The following TFB2M variants were observed in gnomAD, a reference collection of about 807,000 sequenced individuals.
TFB2M encodes the protein transcription factor B2, mitochondrial, also known as dimethyladenosine transferase 2, mitochondrial.
TFB2M carries 44 observed loss-of-function variants against 41.3 expected under a neutral mutation model. That is an observed-to-expected ratio of 1.07 (90% confidence interval 0.84 to 1.37). TFB2M has a LOEUF of 1.37. TFB2M is among the 40% of genes most tolerant of loss of function. TFB2M has a pLI of 0.00. For synonymous variants in TFB2M, 188 were observed against 176.8 expected (o/e 1.06, Z -0.50); for missense variants, 496 against 490.2 (o/e 1.01, Z -0.11).
chr1:246,550,622 G>A (rs1295824000), intron 5 of TFB2M, among the ~76,000 whole-genome samples: 3 of 152,324 alleles, frequency 2.0e-5, no homozygotes, highest in Middle Eastern at 3.4e-3. Flanking sequence ...AGTGGCTCAC[G>A]CCTGTAATCC....
At chr1:246,558,385 G>T (rs1659378452) in intron 2 of TFB2M, among the ~76,000 whole-genome samples, 4 of 152,106 alleles carry the variant, frequency 2.6e-5, no homozygotes, top group Middle Eastern at 3.4e-3. Flanking sequence ...GAGCTCAAGA[G>T]ATCTGCCCAC....
At chr1:246,547,528 C>A (rs1202413252) in intron 6 of TFB2M, among the ~76,000 whole-genome samples, 2 of 152,138 alleles carry the variant, frequency 1.3e-5, no homozygotes, top group East Asian at 3.8e-4. Context: ...ACTCTAAAAT[C>A]ACAACATTGA....
At chr1:246,549,213 G>T (rs538033527) in intron 5 of TFB2M, among the ~76,000 whole-genome samples, 3 of 151,974 alleles carry the variant, frequency 2.0e-5, no homozygotes, top group Non-Finnish European at 4.4e-5. Context: ...CAAAAACCTA[G>T]TGTCAATTTT....
intron 7 of TFB2M, among the ~76,000 whole-genome samples, chr1:246,542,527 G>C (rs1658889527): frequency 6.6e-6 from 1 of 151,936 alleles, no homozygotes; most frequent in South Asian, 2.1e-4. Context: ...TAAAAAGTTA[G>C]CTGGGCATAG....
intron 6 of TFB2M, among the ~76,000 whole-genome samples, chr1:246,546,476 G>A (rs1006786290): frequency 2.0e-5 from 3 of 151,810 alleles, no homozygotes; most frequent in African/African-American, 4.8e-5. Context: ...TTAGCCCTGC[G>A]TGGTGGAGCA....
chr1:246,555,045 C>T (rs1412893951), intron 4 of TFB2M, among the ~76,000 whole-genome samples: 3 of 152,140 alleles, frequency 2.0e-5, no homozygotes, highest in African/African-American at 7.2e-5. Context: ...ATGTCTTGAA[C>T]AGACATTTCT....
At chr1:246,564,484 C>T in intron 1 of TFB2M, 50 bp from the exon 2 acceptor site, 3 of 1,520,820 alleles carry the variant, frequency 2.0e-6, no homozygotes, top group Admixed American at 1.7e-5. Flanking sequence ...AACATAATCT[C>T]TTTCAATACC....
At chr1:246,558,830 C>T (rs1659386746) in intron 2 of TFB2M, among the ~76,000 whole-genome samples, 1 of 152,146 alleles carries the variant, frequency 6.6e-6, no homozygotes, top group South Asian at 2.1e-4. Context: ...AGTCTTCTCA[C>T]TGCTCTGATT....
chr1:246,551,595 G>A (rs1490846550), intron 4 of TFB2M, among the ~76,000 whole-genome samples: 1 of 149,112 alleles, frequency 6.7e-6, no homozygotes, highest in Non-Finnish European at 1.5e-5. Context: ...GCGGGGTCAC[G>A]CTTGTAATTC....
chr1:246,549,088 C>A (rs1659098346), intron 5 of TFB2M, among the ~76,000 whole-genome samples: 3 of 152,184 alleles, frequency 2.0e-5, no homozygotes, highest in South Asian at 2.1e-4. Flanking sequence ...ATAATCCCAG[C>A]ACTTTGGGAG....
intron 6 of TFB2M, among the ~76,000 whole-genome samples, chr1:246,545,104 C>G (rs1658978854): frequency 6.6e-6 from 1 of 152,176 alleles, no homozygotes; most frequent in South Asian, 2.1e-4. Context: ...CCGTGCCCGG[C>G]CCACATTTTC....
At chr1:246,554,939 T>C (rs1344969155) in intron 4 of TFB2M, among the ~76,000 whole-genome samples, 3 of 152,160 alleles carry the variant, frequency 2.0e-5, no homozygotes, top group Non-Finnish European at 4.4e-5. Context: ...GGAGAAAATA[T>C]TTGTAAATCA....
rs529936761 is a variant in TFB2M at position 246,563,898 on chromosome 1, C to CAACTTAAACAAATGTGTTT, written c.402+447_402+448insAAACACATTTGTTTAAGTT. Among the ~76,000 whole-genome samples, 200 of 152,294 alleles carry CAACTTAAACAAATGTGTTT rather than the reference C, an allele frequency of 1.3e-3. 1 individual carries two copies. The highest frequency in any genetic ancestry group is 4.6e-3 in the African/African-American group (191 of 41,568). On this transcript the variant is annotated intron_variant, in intron 2 of 7. Coordinates refer to ENST00000366514, the MANE Select transcript of TFB2M (RefSeq NM_022366.3). ...TTGAAATCCAAAACAGTTGTGTTCCCAAGCATTTCAGATAAAATACTTAAT... is the reference window on the plus strand; with the variant it reads ...TTGAAATCCAAAACAGTTGTGTTCCCAACTTAAACAAATGTGTTTAAGCATTTCAGATAAAATACTTAAT...
At chr1:246,545,030 C>T (rs533675684) in intron 6 of TFB2M, among the ~76,000 whole-genome samples, 16 of 149,890 alleles carry the variant, frequency 1.1e-4, no homozygotes, top group East Asian at 4.2e-4. Context: ...TGGTCTCGAT[C>T]TCCTGACCTC....
At chr1:246,556,069 G>C (rs1391330473) in intron 4 of TFB2M, among the ~76,000 whole-genome samples, 2 of 152,152 alleles carry the variant, frequency 1.3e-5, no homozygotes, top group Non-Finnish European at 2.9e-5. Flanking sequence ...GGGATTACAG[G>C]AGTGAGCCAC....
intron 1 of TFB2M, among the ~76,000 whole-genome samples, chr1:246,565,529 C>T (rs1320435068): frequency 2.6e-5 from 4 of 152,124 alleles, no homozygotes; most frequent in East Asian, 1.9e-4. Flanking sequence ...CTGGCCAACA[C>T]GGCGAAATCC....
rs192467370 is a variant in TFB2M, at chr1:246,560,907, T to C, written c.403-3373A>G. 2.6e-5 allele frequency among the ~76,000 whole-genome samples: 4 copies of C among 152,044 alleles called. No individual in the cohort carries two copies. The East Asian group carries it at 7.7e-4, about 29-fold the overall frequency. On this transcript the variant is annotated intron_variant, in intron 2 of 7. Transcript: ENST00000366514. ...GGCGGGCGGATCACGAGGTCAGGAGTTCCAGACCAGTCTGGCCAACATGGT... is the reference window on the plus strand; with the variant it reads ...GGCGGGCGGATCACGAGGTCAGGAGCTCCAGACCAGTCTGGCCAACATGGT...
rs193037977 is a variant in TFB2M at position 246,549,079 on chromosome 1, T to C, written c.796-472A>G. On this transcript the variant is annotated intron_variant, in intron 5 of 7. Transcript: ENST00000366514. Reference sequence around the variant, plus strand: ...GACCAGGTGCTGTGGTTCATGCCTATAATCCCAGCACTTTGGGAGGCCAAA... The same window carrying C: ...GACCAGGTGCTGTGGTTCATGCCTACAATCCCAGCACTTTGGGAGGCCAAA... Among the ~76,000 whole-genome samples, 19 of 152,330 alleles carry C rather than the reference T, an allele frequency of 1.2e-4. No individual in the cohort carries two copies. The East Asian group carries it at 3.7e-3, about 29-fold the overall frequency.
intron 6 of TFB2M, among the ~76,000 whole-genome samples, chr1:246,548,167 G>C (rs1460617516): frequency 6.6e-6 from 1 of 152,076 alleles, no homozygotes; most frequent in African/African-American, 2.4e-5. Context: ...GGGTGGTCCC[G>C]ATCTCTTGAC....
Sources: gnomAD v4.1 joint callset for allele counts (sites outside exome capture counted in the v4.1 genomes callset) on GRCh38, gnomAD v4.1.1 for gene constraint, MANE v1.5 for transcripts, NCBI Gene and HGNC (gene_info 2026-07-23, HGNC 2026-07-21) for gene names.